The following GOLM2 variants were observed in gnomAD, a reference collection of about 807,000 sequenced individuals.
The protein encoded by GOLM2 is protein GOLM2.
GOLM2 carries 26 observed loss-of-function variants against 55.9 expected under a neutral mutation model. The observed-to-expected ratio is 0.47, with a 90% CI of 0.34 to 0.65. GOLM2 has a LOEUF of 0.65. GOLM2 is among the 30% of genes least tolerant of loss of function. The pLI, the probability that GOLM2 is intolerant of heterozygous loss-of-function variation, is 0.01. For synonymous variants in GOLM2, 165 were observed against 194.6 expected (o/e 0.85, Z 1.27); for missense variants, 486 against 531.8 (o/e 0.91, Z 0.85).
At chr15:44,346,909 T>C (rs948950029) in intron 6 of GOLM2, among the ~76,000 whole-genome samples, 1 of 152,084 alleles carries the variant, frequency 6.6e-6, no homozygotes, top group African/African-American at 2.4e-5. Context: ...GCAAGAGGAT[T>C]GCTTGAGGCC....
chr15:44,358,892 C>T (rs1451261748), intron 6 of GOLM2, among the ~76,000 whole-genome samples: 1 of 152,184 alleles, frequency 6.6e-6, no homozygotes, highest in Non-Finnish European at 1.5e-5. Context: ...CACGGTGGCT[C>T]ACGCCTGTAA....
intron 8 of GOLM2, among the ~76,000 whole-genome samples, chr15:44,384,528 C>T (rs374146332): frequency 3.9e-5 from 6 of 152,050 alleles, no homozygotes; most frequent in East Asian, 1.9e-4. Flanking sequence ...GGGCAGATCA[C>T]GAGGTCAGGA....
At chr15:44,384,907 T>TA (rs137866986) in intron 8 of GOLM2, among the ~76,000 whole-genome samples, 218 of 140,860 alleles carry the variant, frequency 1.5e-3, no homozygotes, top group Middle Eastern at 3.7e-3. Context: ...GACTGCATCT[T>TA]AAAAAAAAAA....
intron 1 of GOLM2, among the ~76,000 whole-genome samples, chr15:44,290,768 C>T (rs2078715008): frequency 6.6e-6 from 1 of 152,172 alleles, no homozygotes; most frequent in South Asian, 2.1e-4. Flanking sequence ...TCCATTCTTT[C>T]ATCCATTGGA....
intron 8 of GOLM2, among the ~76,000 whole-genome samples, chr15:44,387,134 G>T (rs903674144): frequency 6.8e-6 from 1 of 146,622 alleles, no homozygotes; most frequent in Non-Finnish European, 1.5e-5. Flanking sequence ...GAGATTCTGA[G>T]ATTGTGCCAT....
intron 6 of GOLM2, among the ~76,000 whole-genome samples, chr15:44,377,300 A>G (rs2079370817): frequency 6.6e-6 from 1 of 152,176 alleles, no homozygotes; most frequent in Non-Finnish European, 1.5e-5. Context: ...TGAGCCCAGG[A>G]AGTTGAAGTT....
At chr15:44,342,879 A>G (rs1268639807) in intron 6 of GOLM2, among the ~76,000 whole-genome samples, 1 of 152,216 alleles carries the variant, frequency 6.6e-6, no homozygotes, top group Non-Finnish European at 1.5e-5. Flanking sequence ...AATTGCCTAG[A>G]TTCAAACCTT....
intron 1 of GOLM2, among the ~76,000 whole-genome samples, chr15:44,291,888 C>T (rs955674708): frequency 9.9e-5 from 15 of 152,220 alleles, no homozygotes; most frequent in South Asian, 2.1e-4. Context: ...AGTGTATCCT[C>T]CTCTTGGAAT....
intron 1 of GOLM2, among the ~76,000 whole-genome samples, chr15:44,290,888 G>A (rs983932735): frequency 6.6e-6 from 1 of 151,682 alleles, no homozygotes; most frequent in Non-Finnish European, 1.5e-5. Context: ...TGCAACCTCC[G>A]CCCCCCCGGG....
At chr15:44,341,756 G>T (rs979907978) in intron 6 of GOLM2, among the ~76,000 whole-genome samples, 3 of 140,718 alleles carry the variant, frequency 2.1e-5, no homozygotes, top group African/African-American at 8.1e-5. Context: ...GAGTGCAGTC[G>T]TGCGATCTTG....
chr15:44,325,018 AT>A (rs551266640), intron 2 of GOLM2, among the ~76,000 whole-genome samples: 78 of 152,130 alleles, frequency 5.1e-4, no homozygotes, highest in South Asian at 2.5e-3. Flanking sequence ...AGTAAAATTG[AT>A]TTTTTTTAAC....
intron 6 of GOLM2, among the ~76,000 whole-genome samples, chr15:44,342,398 G>C (rs968814941): frequency 1.3e-5 from 2 of 152,126 alleles, no homozygotes; most frequent in African/African-American, 2.4e-5. Context: ...CGAGTAGCTG[G>C]GACTACAGGC....
intron 9 of GOLM2, among the ~76,000 whole-genome samples, chr15:44,405,168 A>G (rs1287204716): frequency 6.6e-6 from 1 of 152,132 alleles, no homozygotes; most frequent in Non-Finnish European, 1.5e-5. Flanking sequence ...TTCTACTTCA[A>G]GTCCCCAAGA....
At chr15:44,371,127 G>A (rs949111157) in intron 6 of GOLM2, among the ~76,000 whole-genome samples, 7 of 152,158 alleles carry the variant, frequency 4.6e-5, no homozygotes, top group African/African-American at 1.7e-4. Context: ...TTCCTCCTCT[G>A]TAATATCCTT....
At chr15:44,394,436 G>A (rs1304568456) in intron 8 of GOLM2, among the ~76,000 whole-genome samples, 1 of 152,170 alleles carries the variant, frequency 6.6e-6, no homozygotes, top group Non-Finnish European at 1.5e-5. Flanking sequence ...TTGTTCAGAT[G>A]CTGTTTGCCA....
intron 6 of GOLM2, among the ~76,000 whole-genome samples, chr15:44,351,131 C>T (rs2079159706): frequency 6.6e-6 from 1 of 151,836 alleles, no homozygotes; most frequent in Non-Finnish European, 1.5e-5. Context: ...ACCTAGACTT[C>T]CAGTACTAGT....
intron 1 of GOLM2, among the ~76,000 whole-genome samples, chr15:44,304,841 C>A (rs1456489794): frequency 6.6e-6 from 1 of 152,102 alleles, no homozygotes; most frequent in Non-Finnish European, 1.5e-5. Flanking sequence ...AGGCATAAGC[C>A]ACCGTGCCTA....
intron 6 of GOLM2, among the ~76,000 whole-genome samples, chr15:44,343,596 C>T (rs1344016180): frequency 2.0e-5 from 3 of 151,830 alleles, no homozygotes; most frequent in Admixed American, 2.0e-4. Flanking sequence ...GAGGCTGAGG[C>T]GGGCGGATCA....
intron 6 of GOLM2, chr15:44,355,178 A>G (rs532743322): frequency 2.8e-4 from 53 of 186,678 alleles, no homozygotes; most frequent in African/African-American, 1.2e-3. Flanking sequence ...AAGATCATCC[A>G]TGATAGCTCT....
Sources: gnomAD v4.1 joint callset for allele counts (sites outside exome capture counted in the v4.1 genomes callset) on GRCh38, gnomAD v4.1.1 for gene constraint, MANE v1.5 for transcripts, NCBI Gene and HGNC (gene_info 2026-07-23, HGNC 2026-07-21) for gene names.